The following STX3 variants were observed in gnomAD, a reference collection of about 807,000 sequenced individuals.
STX3 encodes the protein syntaxin 3.
A neutral mutation model predicts 40.2 loss-of-function variants in STX3; 19 were observed. The ratio of observed to expected loss-of-function variants is 0.47; its 90% CI spans 0.33 to 0.69. The LOEUF (loss-of-function observed/expected upper bound fraction) is 0.69, where lower values mean the gene tolerates loss of function less well. Among genes scored for constraint, STX3 ranks in the 30% least tolerant of loss-of-function variants. The pLI is 0.02. For synonymous variants in STX3, 122 were observed against 132.2 expected (o/e 0.92, Z 0.53); for missense variants, 364 against 366.7 (o/e 0.99, Z 0.06).
At position 59,779,464 on chromosome 11, in the gene STX3, C is replaced by T. The variant is rs1864208984; in HGVS notation, c.114+6170C>T. ...TCCCATCTCCCTCTAAGTACCATCC[C>T]ATTGGGGATTAGGCATCAACATATT... is the stretch of plus-strand genomic sequence containing the variant. On this transcript the variant is annotated intron_variant, in intron 2 of 10. Transcript: ENST00000337979. Among the ~76,000 whole-genome samples, 4 of 152,212 alleles carry T rather than the reference C, an allele frequency of 2.6e-5. No homozygotes were observed. In the South Asian group the frequency reaches 8.3e-4, roughly 32 times the overall value.
At chr11:59,755,235 G>A (rs1048825223), upstream of STX3, 4 of 177,226 alleles carry the variant, frequency 2.3e-5, no homozygotes, top group African/African-American at 4.7e-5. Context: ...GGGCTCTCGG[G>A]TTAGGGAAGG....
intron 1 of STX3, among the ~76,000 whole-genome samples, chr11:59,763,825 C>T (rs1029416187): frequency 7.9e-5 from 12 of 152,164 alleles, no homozygotes; most frequent in Non-Finnish European, 1.5e-4. Context: ...CAAGACCATC[C>T]TGGCCAACAT....
chr11:59,769,363 G>A (rs923568386), intron 1 of STX3, among the ~76,000 whole-genome samples: 1 of 152,154 alleles, frequency 6.6e-6, no homozygotes, highest in Non-Finnish European at 1.5e-5. Flanking sequence ...GCGGGGCAGC[G>A]GGGTTAGGCG....
chr11:59,800,417 C>A (rs1447645002), intron 10 of STX3: 1 of 985,250 alleles, frequency 1.0e-6, no homozygotes, highest in Non-Finnish European at 1.2e-6. Context: ...CATAATATGA[C>A]CCCTGAACTT....
At position 59,799,820 on chromosome 11, in the gene STX3, T is replaced by G. The variant is rs901723949; in HGVS notation, c.*31-1035T>G. The G allele has an allele frequency of 3.0e-6, 3 of 985,364 alleles. No homozygotes were observed. The African/African-American group carries it at 5.2e-5, about 17-fold the overall frequency. 61.0% of individuals were successfully genotyped at this position (985,364 alleles called of 1,614,324 possible). ...CATAGACAGGTGGTTGGTTGATTTT[T>G]TTTTTCCCCTCTTTTTTCTGGCACT... On this transcript the variant is annotated intron_variant, in intron 10 of 10. Coordinates refer to ENST00000337979, the MANE Select transcript of STX3 (RefSeq NM_004177.5).
chr11:59,780,400 G>T (rs1392232387), intron 2 of STX3, among the ~76,000 whole-genome samples: 5 of 152,194 alleles, frequency 3.3e-5, no homozygotes, highest in Non-Finnish European at 4.4e-5. Flanking sequence ...AGATTTGCCA[G>T]TGGACTTCCT....
chr11:59,803,439 A>G lies in STX3; in HGVS notation c.*2615A>G, dbSNP rs181581600. 2 of 475,488 alleles carry G rather than the reference A, an allele frequency of 4.2e-6. No homozygotes were observed. Among genetic ancestry groups the G allele is most frequent in the East Asian group, 3.5e-5 (1 of 28,278 alleles). The allele number at this position is 475,488 out of a possible 1,614,324, so 29.5% of individuals were successfully genotyped here. On this transcript the variant is annotated 3_prime_UTR_variant, in exon 11 of 11. Coordinates refer to ENST00000337979, the MANE Select transcript of STX3 (RefSeq NM_004177.5). ...AGAAAACTAAAGAAAGGGATGTTTC[A>G]GAGACAGAAAAGTGAGTGAAGAATG...
chr11:59,773,416 G>A, intron 2 of STX3, 122 bp downstream of exon 2: 1 of 815,326 alleles, frequency 1.2e-6, no homozygotes, highest in Non-Finnish European at 2.0e-6. Context: ...TTGCTAGGGT[G>A]GGATGGCCAG....
At chr11:59,777,230 G>T (rs570083923) in intron 2 of STX3, among the ~76,000 whole-genome samples, 2 of 152,296 alleles carry the variant, frequency 1.3e-5, no homozygotes, top group African/African-American at 4.8e-5. Flanking sequence ...GATTTCCCTG[G>T]TTCTTAACTA....
chr11:59,801,547 A>G lies in STX3; in HGVS notation c.*723A>G. ...TTATGCTTTGCAAAAGGCTGACGGT[A>G]TGGAATATGTTTCCATGTCTGAGTC... On this transcript the variant is annotated 3_prime_UTR_variant, in exon 11 of 11. Coordinates refer to ENST00000337979, the MANE Select transcript of STX3 (RefSeq NM_004177.5). The G allele has an allele frequency of 1.0e-6, 1 of 985,458 alleles. No homozygotes were observed. Among genetic ancestry groups the G allele is most frequent in the Non-Finnish European group, 1.2e-6 (1 of 829,942 alleles). The allele number at this position is 985,458 out of a possible 1,614,324, so 61.0% of individuals were successfully genotyped here. A position where few individuals can be genotyped will look rare whatever the true frequency, so the allele number is the denominator to read the frequency against.
chr11:59,773,415 T>G lies in STX3; in HGVS notation c.114+121T>G. 8.2e-6 allele frequency: 7 copies of G among 850,176 alleles called. 1 individual carries two copies. In the South Asian group the frequency reaches 1.2e-4, roughly 14 times the overall value. The allele number at this position is 850,176 out of a possible 1,614,324, so 52.7% of individuals were successfully genotyped here. Reference sequence around the variant, plus strand: ...GGAAGGTCACAGTTTTTTGCTAGGGTGGGATGGCCAGACAAAGAAATTAAA... The same window carrying G: ...GGAAGGTCACAGTTTTTTGCTAGGGGGGGATGGCCAGACAAAGAAATTAAA... On this transcript the variant is annotated intron_variant, in intron 2 of 10. Coordinates refer to ENST00000337979, the MANE Select transcript of STX3 (RefSeq NM_004177.5).
Position 59,801,291 on chromosome 11 carries a change from T to G in STX3, c.*467T>G, listed in dbSNP as rs1021270124. 1.0e-6 allele frequency: 1 copy of G among 1,001,928 alleles called. No individual in the cohort carries two copies. Among genetic ancestry groups the G allele is most frequent in the African/African-American group, 1.7e-5 (1 of 57,952 alleles). 62.1% of individuals were successfully genotyped at this position (1,001,928 alleles called of 1,614,324 possible). ...TTCTAAGTTTGGCAACAAGAAGGCT[T>G]GGATCTGAGTCTTCTACCTGGCAGG... On this transcript the variant is annotated 3_prime_UTR_variant, in exon 11 of 11. Coordinates refer to ENST00000337979, the MANE Select transcript of STX3 (RefSeq NM_004177.5).
chr11:59,757,570 C>T (rs894728910), intron 1 of STX3, among the ~76,000 whole-genome samples: 10 of 152,212 alleles, frequency 6.6e-5, no homozygotes, highest in African/African-American at 1.9e-4. Flanking sequence ...TAGGTTTCCT[C>T]CCCTTCCCTC....
intron 1 of STX3, among the ~76,000 whole-genome samples, chr11:59,758,071 A>G (rs1862825511): frequency 6.6e-6 from 1 of 152,118 alleles, no homozygotes; most frequent in Non-Finnish European, 1.5e-5. Flanking sequence ...GGGAGGTGGT[A>G]ACTGCCTCCC....
In STX3 at chr11:59,760,451, C is replaced by T. The variant is rs1436077946; in HGVS notation, c.30+4816C>T. On this transcript the variant is annotated intron_variant, in intron 1 of 10. Coordinates refer to ENST00000337979, the MANE Select transcript of STX3 (RefSeq NM_004177.5). ...TTGTTTGTTTTGTTTTTTTAATTAC[C>T]ATGGAGTGGGTTTGAAACCACTGTC... 4.0e-5 allele frequency among the ~76,000 whole-genome samples: 6 copies of T among 151,388 alleles called. No homozygotes were observed. The East Asian group carries it at 1.2e-3, about 29-fold the overall frequency.
intron 9 of STX3, 70 bp downstream of exon 9, chr11:59,795,552 C>T (rs1865463902): frequency 1.9e-6 from 3 of 1,550,496 alleles, no homozygotes; most frequent in Middle Eastern, 1.7e-4. Context: ...TTTCTCTTCC[C>T]TCTCCCTGTC....
chr11:59,797,277 C>T lies in STX3; in HGVS notation c.787-6C>T. 2 of 1,608,888 alleles carry T rather than the reference C, an allele frequency of 1.2e-6. No homozygotes were observed. The highest frequency in any genetic ancestry group is 1.3e-5 in the African/African-American group (1 of 74,944). Reference sequence around the variant, plus strand: ...TGATTTGTTTTTGTCTTATTCCTCTCTCCAGAAATTGATAATTATCATTGT... The same window carrying T: ...TGATTTGTTTTTGTCTTATTCCTCTTTCCAGAAATTGATAATTATCATTGT... On this transcript the variant is annotated splice_polypyrimidine_tract_variant and splice_region_variant and intron_variant, in intron 9 of 10. Transcript: ENST00000337979.
At chr11:59,767,337 T>G (rs1863330741) in intron 1 of STX3, among the ~76,000 whole-genome samples, 1 of 152,206 alleles carries the variant, frequency 6.6e-6, no homozygotes. Context: ...ACTTGTGTTT[T>G]TTATTGTGGC....
intron 8 of STX3, among the ~76,000 whole-genome samples, chr11:59,794,618 G>A (rs1172470494): frequency 6.6e-6 from 1 of 152,170 alleles, no homozygotes; most frequent in Admixed American, 6.5e-5. Flanking sequence ...GGTGGTAAGT[G>A]CCTTGTTCTG....
Sources: allele counts gnomAD v4.1 joint callset (sites outside exome capture counted in the v4.1 genomes callset), GRCh38; gene constraint gnomAD v4.1.1; transcripts MANE v1.5; gene names NCBI Gene and HGNC (gene_info 2026-07-23, HGNC 2026-07-21).